FMN2: variants seen among roughly 807,000 people sequenced by gnomAD.
FMN2 encodes the protein formin-2.
In FMN2, 51 loss-of-function variants were observed where a neutral mutation model predicts 142.3. The ratio of observed to expected loss-of-function variants is 0.36; its 90% CI spans 0.29 to 0.45. The LOEUF (loss-of-function observed/expected upper bound fraction) is 0.45, where lower values mean the gene tolerates loss of function less well. Ranked by LOEUF, FMN2 falls within the 20% of genes least tolerant of loss-of-function variation. FMN2 has a pLI of 1.00. For missense variants in FMN2, 1,936 were observed against 2,122.8 expected, an observed-to-expected ratio of 0.91 and a Z score of 1.73; for synonymous variants, 882 against 869.8, an observed-to-expected ratio of 1.01 and a Z score of -0.25.
At chr1:240,384,414 T>C in intron 14 of FMN2, among the ~76,000 whole-genome samples, 1 of 152,216 alleles carries the variant, frequency 6.6e-6, no homozygotes, top group Non-Finnish European at 1.5e-5. Context: ...TGGTGCTGCC[T>C]CTGCACAGCA....
intron 6 of FMN2, among the ~76,000 whole-genome samples, chr1:240,217,752 A>G (rs1666957886): frequency 6.6e-6 from 1 of 151,984 alleles, no homozygotes; most frequent in Non-Finnish European, 1.5e-5. Context: ...CTGCTTTTAA[A>G]TTTTCTTTTA....
rs73130252 is a variant in FMN2 at position 240,455,466 on chromosome 1, A to G, written c.5061-16906A>G. ...GAAGATGGTATTGATGCTGCTAATG[A>G]CATTAAGTGCAAAAGTCCCAACGCA... is the stretch of plus-strand genomic sequence containing the variant. On this transcript the variant is annotated intron_variant, in intron 16 of 17. Coordinates refer to ENST00000319653, the MANE Select transcript of FMN2 (RefSeq NM_020066.5). 5.7e-3 allele frequency among the ~76,000 whole-genome samples: 873 copies of G among 152,280 alleles called. 13 individuals carry two copies. Among genetic ancestry groups the G allele is most frequent in the African/African-American group, 0.02 (825 of 41,552 alleles).
chr1:240,189,973 T>C (rs1299028837), intron 4 of FMN2, among the ~76,000 whole-genome samples: 2 of 152,228 alleles, frequency 1.3e-5, no homozygotes, highest in Non-Finnish European at 2.9e-5. Context: ...TATGAATCAA[T>C]TGTTACATAC....
chr1:240,123,781 A>G (rs962534517), intron 2 of FMN2, among the ~76,000 whole-genome samples: 1 of 152,108 alleles, frequency 6.6e-6, no homozygotes, highest in South Asian at 2.1e-4. Flanking sequence ...ACTCTTTTTT[A>G]TCATCCAAAA....
chr1:240,109,972 A>G (rs184784621), intron 1 of FMN2, among the ~76,000 whole-genome samples: 2 of 152,164 alleles, frequency 1.3e-5, no homozygotes, highest in East Asian at 1.9e-4. Flanking sequence ...GTGCTTGGTT[A>G]TATCTTATCT....
chr1:240,326,336 A>C (rs139465235), intron 8 of FMN2, among the ~76,000 whole-genome samples: 1 of 152,348 alleles, frequency 6.6e-6, no homozygotes, highest in African/African-American at 2.4e-5. Context: ...AAGTGAGCAG[A>C]AATGGTCTAA....
intron 2 of FMN2, among the ~76,000 whole-genome samples, chr1:240,124,875 T>C (rs545319115): frequency 6.6e-6 from 1 of 152,118 alleles, no homozygotes; most frequent in South Asian, 2.1e-4. Context: ...ACCATGTTGT[T>C]CAGGCTGTTC....
rs1042264809 is a variant in FMN2 at position 240,166,388 on chromosome 1, C to T, written c.1783-11533C>T. On this transcript the variant is annotated intron_variant, in intron 2 of 17. Transcript: ENST00000319653. The stretch of plus-strand genomic sequence containing the variant: ...GAGATTGCAGGTGCCAGCCACCAAG[C>T]CCAGCTAATTTTTGTATTTATAGTA... Among the ~76,000 whole-genome samples, 6 of 151,968 alleles carry T rather than the reference C, an allele frequency of 3.9e-5. No individual in the cohort carries two copies. The South Asian group carries it at 1.2e-3, about 32-fold the overall frequency.
intron 4 of FMN2, among the ~76,000 whole-genome samples, chr1:240,204,447 G>T (rs1269450329): frequency 6.6e-6 from 1 of 151,956 alleles, no homozygotes; most frequent in Non-Finnish European, 1.5e-5. Flanking sequence ...AAAAAGGAAG[G>T]ACTATTAAGT....
At chr1:240,462,821 T>G (rs947959407) in intron 16 of FMN2, among the ~76,000 whole-genome samples, 2 of 152,168 alleles carry the variant, frequency 1.3e-5, no homozygotes, top group Non-Finnish European at 1.5e-5. Flanking sequence ...AAGAAGTATG[T>G]GAAAGCTTAG....
intron 8 of FMN2, among the ~76,000 whole-genome samples, chr1:240,298,039 A>G (rs1572168012): frequency 1.3e-5 from 2 of 152,114 alleles, no homozygotes; most frequent in East Asian, 1.9e-4. Context: ...CCTTGATACC[A>G]TCATCCTGGG....
Position 240,123,473 on chromosome 1 carries a change from C to G in FMN2, c.1782+128C>G, listed in dbSNP as rs3820506. 0.29 allele frequency: 217,143 copies of G among 760,320 alleles called. 34,560 individuals are homozygous for G. Among genetic ancestry groups the G allele is most frequent in the Middle Eastern group, 0.35 (1,106 of 3,172 alleles). The allele number at this position is 760,320 out of a possible 1,614,324, so 47.1% of individuals were successfully genotyped here. ...TGATTCAAGCATTTTTTTTCCTTAG[C>G]TGCTCAACAGCTCGGTATGTCTGTT... On this transcript the variant is annotated intron_variant, in intron 2 of 17. Transcript: ENST00000319653.
intron 13 of FMN2, among the ~76,000 whole-genome samples, chr1:240,334,906 G>C (rs1489490683): frequency 6.6e-6 from 1 of 152,102 alleles, no homozygotes; most frequent in African/African-American, 2.4e-5. Flanking sequence ...ATTACATACA[G>C]ATGAGAAGTA....
chr1:240,214,911 T>C (rs1666835745), intron 6 of FMN2, among the ~76,000 whole-genome samples: 1 of 151,996 alleles, frequency 6.6e-6, no homozygotes, highest in Non-Finnish European at 1.5e-5. Context: ...ATAAAAAATA[T>C]AAAAATTAGC....
chr1:240,136,806 C>T (rs1278841444), intron 2 of FMN2, among the ~76,000 whole-genome samples: 4 of 152,128 alleles, frequency 2.6e-5, no homozygotes, highest in African/African-American at 4.8e-5. Context: ...GGTGCGGTGG[C>T]TCACACCTGT....
At chr1:240,150,351 G>A (rs981188647) in intron 2 of FMN2, among the ~76,000 whole-genome samples, 1 of 147,010 alleles carries the variant, frequency 6.8e-6, no homozygotes, top group Non-Finnish European at 1.5e-5. Context: ...TGTACAGAAG[G>A]AAAATGATTA....
Position 240,329,137 on chromosome 1 carries a change from A to G in FMN2, c.4277A>G (p.Glu1426Gly), listed in dbSNP as rs1167284050. 6.2e-7 allele frequency: 1 copy of G among 1,614,132 alleles called. No homozygotes were observed. Among genetic ancestry groups the G allele is most frequent in the Non-Finnish European group, 8.5e-7 (1 of 1,179,994 alleles). Reference protein sequence around the residue: ...EKHGRSSKDKENAKSLDKPEQ... With the variant: ...EKHGRSSKDKGNAKSLDKPEQ... Reference sequence around the variant, plus strand: ...CATGGCCGATCTTCCAAAGACAAGGAAAATGCCAAGTCTCTGGACAAACCT... The same window carrying G: ...CATGGCCGATCTTCCAAAGACAAGGGAAATGCCAAGTCTCTGGACAAACCT... Residue 1426 changes from glutamate (E) to glycine (G), a missense_variant, in exon 9 of 18, where the codon GAA (glutamate) becomes GGA (glycine). This residue lies in a region of FMN2 where 322 missense variants were observed against 401.6 expected (regional missense o/e 0.80). Coordinates refer to ENST00000319653, the MANE Select transcript of FMN2 (RefSeq NM_020066.5).
chr1:240,330,085 T>C (rs1236267603), intron 10 of FMN2, among the ~76,000 whole-genome samples: 1 of 152,232 alleles, frequency 6.6e-6, no homozygotes, highest in Non-Finnish European at 1.5e-5. Flanking sequence ...CAAAGTCAAG[T>C]TAAACACAGT....
intron 8 of FMN2, among the ~76,000 whole-genome samples, chr1:240,325,293 A>G (rs1025113273): frequency 6.8e-6 from 1 of 147,716 alleles, no homozygotes; most frequent in Non-Finnish European, 1.5e-5. Context: ...CAGTAAGCTG[A>G]GATCGCGCCA....
Sources: allele counts gnomAD v4.1 joint callset (sites outside exome capture counted in the v4.1 genomes callset), GRCh38; gene constraint gnomAD v4.1.1; regional missense constraint gnomAD v4.1.1; transcripts MANE v1.5; gene names NCBI Gene and HGNC (gene_info 2026-07-23, HGNC 2026-07-21).